Variants in MICAL3 observed in about 807,000 individuals in gnomAD.
The protein encoded by MICAL3 is microtubule associated monooxygenase, calponin and LIM domain containing 3.
In MICAL3, 62 loss-of-function variants were observed where a neutral mutation model predicts 207.4. The observed-to-expected ratio is 0.30, with a 90% CI of 0.24 to 0.37. MICAL3 has a LOEUF of 0.37. Ranked by LOEUF, MICAL3 falls within the 10% of genes least tolerant of loss-of-function variation. The probability of loss-of-function intolerance (pLI) is 1.00; values close to 1 mark genes in which losing one functional copy is unlikely to be tolerated. For synonymous variants in MICAL3, 1,077 were observed against 1,069.3 expected (o/e 1.01, Z -0.14); for missense variants, 2,368 against 2,635.6 (o/e 0.90, Z 2.22).
intron 25 of MICAL3, 64 bp downstream of exon 25, chr22:17,821,362 AG>A: frequency 7.2e-7 from 1 of 1,391,734 alleles, no homozygotes; most frequent in Non-Finnish European, 9.7e-7. Context: ...GAAACAGAGA[AG>A]TTAATATGTG....
chr22:17,833,446 C>T (rs1923029728), intron 20 of MICAL3, among the ~76,000 whole-genome samples: 1 of 152,220 alleles, frequency 6.6e-6, no homozygotes, highest in African/African-American at 2.4e-5. Flanking sequence ...CCTCTCTCTG[C>T]CCAGGCAGGC....
intron 23 of MICAL3, 63 bp from the exon 24 acceptor site, chr22:17,822,233 T>C (rs906427114): frequency 2.6e-6 from 4 of 1,558,028 alleles, no homozygotes; most frequent in Non-Finnish European, 3.5e-6. Flanking sequence ...CTTTTCCACC[T>C]GAGAGCAGCC....
chr22:17,984,978 T>C (rs1328876175), intron 1 of MICAL3, among the ~76,000 whole-genome samples: 1 of 150,958 alleles, frequency 6.6e-6, no homozygotes. Flanking sequence ...AGAGGGTGAG[T>C]GCCCCGGAAA....
At chr22:17,963,134 A>G (rs141714571) in intron 1 of MICAL3, among the ~76,000 whole-genome samples, 58 of 152,156 alleles carry the variant, frequency 3.8e-4, no homozygotes, top group African/African-American at 1.2e-3. Context: ...TTATTTTTGA[A>G]ACGGGTCTCA....
chr22:17,836,647 G>T (rs548967429), intron 20 of MICAL3, among the ~76,000 whole-genome samples: 7 of 141,868 alleles, frequency 4.9e-5, no homozygotes, highest in East Asian at 4.1e-4. Context: ...TTCCTGGGTG[G>T]TTTTTTTTTT....
Position 17,902,763 on chromosome 22 carries a change from G to T in MICAL3, c.473-16C>A, listed in dbSNP as rs1931424696. 1 of 1,479,680 alleles carries T rather than the reference G, an allele frequency of 6.8e-7. No homozygotes were observed. Among genetic ancestry groups the T allele is most frequent in the Non-Finnish European group, 9.3e-7 (1 of 1,073,158 alleles). The allele number at this position is 1,479,680 out of a possible 1,614,324, so 91.7% of individuals were successfully genotyped here. A position where few individuals can be genotyped will look rare whatever the true frequency, so the allele number is the denominator to read the frequency against. On this transcript the variant is annotated splice_polypyrimidine_tract_variant and intron_variant, in intron 3 of 31. Coordinates refer to ENST00000441493, the MANE Select transcript of MICAL3 (RefSeq NM_015241.3). The surrounding 1 kb of genome is among the most constrained non-coding windows in gnomAD (Gnocchi z 4.5). ...TGACGGATACCTGGGAGAATACAGA[G>T]ATGACGTTGATGGGAACACATGGAG...
intron 19 of MICAL3, among the ~76,000 whole-genome samples, chr22:17,856,821 C>T (rs1202027470): frequency 6.6e-6 from 1 of 151,928 alleles, no homozygotes; most frequent in Non-Finnish European, 1.5e-5. Context: ...CGGGGTTTCA[C>T]CTTGTTAGCC....
intron 19 of MICAL3, among the ~76,000 whole-genome samples, chr22:17,847,102 C>G (rs1380629761): frequency 1.3e-5 from 2 of 152,162 alleles, no homozygotes; most frequent in Non-Finnish European, 2.9e-5. Context: ...GAGGCAGGGT[C>G]TTCCCAGGGC....
In MICAL3 at chr22:17,871,957, G is replaced by A. The variant is rs1161706194; in HGVS notation, c.2308C>T (p.Arg770Trp). 16 of 1,610,970 alleles carry A rather than the reference G, an allele frequency of 9.9e-6. No individual in the cohort carries two copies. The highest frequency in any genetic ancestry group is 4.5e-5 in the East Asian group (2 of 44,814). Residue 770 changes from arginine to tryptophan, a missense_variant, in exon 17 of 32, where the codon CGG (arginine) becomes TGG (tryptophan). By Grantham distance (101) the Arg-to-Trp change is moderately radical. This residue lies in a region of MICAL3 where 1,770 missense variants were observed against 1,863.2 expected (regional missense o/e 0.95). Coordinates refer to ENST00000441493, the MANE Select transcript of MICAL3 (RefSeq NM_015241.3). ...CTCAGCCTCTCCATCACGTAGACCC[G>A]CTTCTGGCAGAAGTAGCATGTGTCG... ...GSDTCYFCQK[R>W]VYVMERLSAE... is the part of the protein sequence containing the mutation.
chr22:17,813,773 G>C (rs969498000), intron 27 of MICAL3: 1 of 152,224 alleles, frequency 6.6e-6, no homozygotes, highest in African/African-American at 2.4e-5. Context: ...GTGGTGGTCA[G>C]CCACAGGAGC....
At chr22:17,924,922 C>T (rs76488764) in intron 1 of MICAL3, among the ~76,000 whole-genome samples, 1,835 of 152,300 alleles carry the variant, frequency 0.012, 36 homozygotes, top group African/African-American at 0.041. Context: ...TCCCTGCTGG[C>T]AACAGGTATT....
intron 20 of MICAL3, chr22:17,839,927 C>CTTTTTTTTT (rs67852343): frequency 1.0e-5 from 1 of 95,846 alleles, no homozygotes; most frequent in Non-Finnish European, 2.0e-5. Context: ...TTTTAATTAT[C>CTTTTTTTTT]TTTTTTTTTT....
intron 23 of MICAL3, among the ~76,000 whole-genome samples, 173 bp from the exon 24 acceptor site, chr22:17,822,343 G>C (rs1201745598): frequency 6.6e-5 from 10 of 152,254 alleles, no homozygotes; most frequent in African/African-American, 2.4e-4. Flanking sequence ...CCGCTCCTGA[G>C]GGGCCCGGCC....
At position 17,788,894 on chromosome 22, in the gene MICAL3, G is replaced by A. The variant is rs536660296; in HGVS notation, c.*1838C>T. 1 of 152,538 alleles carries A rather than the reference G, an allele frequency of 6.6e-6. No homozygotes were observed. The highest frequency in any genetic ancestry group is 6.5e-5 in the Admixed American group (1 of 15,314). The allele number at this position is 152,538 out of a possible 1,614,324, so 9.4% of individuals were successfully genotyped here. A position where few individuals can be genotyped will look rare whatever the true frequency, so the allele number is the denominator to read the frequency against. On this transcript the variant is annotated 3_prime_UTR_variant, in exon 32 of 32. Transcript: ENST00000441493. ...CTGCTCCACTGCGGGACGCCTTGGA[G>A]GGGCCAGGCCTCTGCTCCCAGCTGG...
chr22:17,941,987 C>A (rs1301398715), intron 1 of MICAL3, among the ~76,000 whole-genome samples: 1 of 152,224 alleles, frequency 6.6e-6, no homozygotes, highest in Non-Finnish European at 1.5e-5. Flanking sequence ...ACCTGCACGT[C>A]AACCACCTGT....
chr22:17,860,426 G>A (rs1926393931), intron 19 of MICAL3: 43 of 985,324 alleles, frequency 4.4e-5, no homozygotes, highest in Non-Finnish European at 5.1e-5. Context: ...CTCTCGTACC[G>A]CCGCCGGGAA....
At chr22:17,887,103 T>C (rs1489704644) in intron 15 of MICAL3, 67 bp downstream of exon 15, 3 of 1,182,738 alleles carry the variant, frequency 2.5e-6, no homozygotes, top group East Asian at 4.8e-5. Flanking sequence ...AATGTGGAAA[T>C]GAAGAATTTT....
chr22:17,834,412 C>T (rs1602007473), intron 20 of MICAL3: 1 of 1,285,038 alleles, frequency 7.8e-7, no homozygotes, highest in Non-Finnish European at 1.0e-6. Flanking sequence ...ACAAAGGTGA[C>T]ACAGAAAAGA....
At chr22:17,993,842 C>A (rs1289511681) in intron 1 of MICAL3, among the ~76,000 whole-genome samples, 4 of 152,050 alleles carry the variant, frequency 2.6e-5, no homozygotes, top group Admixed American at 1.3e-4. Context: ...GCGGTGACCC[C>A]CCAGGACGGA....
Sources: gnomAD v4.1 joint callset for allele counts (sites outside exome capture counted in the v4.1 genomes callset) on GRCh38, gnomAD v4.1.1 for gene constraint, gnomAD v4.1.1 regional missense constraint, Gnocchi (gnomAD v3.1) non-coding constraint, MANE v1.5 for transcripts, NCBI Gene and HGNC (gene_info 2026-07-23, HGNC 2026-07-21) for gene names.